Variants in CHN2 observed in about 807,000 individuals in gnomAD.
CHN2 encodes chimerin 2, also known as beta-chimaerin.
A neutral mutation model predicts 56.3 loss-of-function variants in CHN2; 35 were observed. The ratio of observed to expected loss-of-function variants is 0.62; its 90% CI spans 0.47 to 0.82. CHN2 has a LOEUF of 0.82. CHN2 is among the 40% of genes least tolerant of loss of function. The probability of loss-of-function intolerance (pLI) is 0.00; values close to 1 mark genes in which losing one functional copy is unlikely to be tolerated. For synonymous variants in CHN2, 210 were observed against 212.8 expected (o/e 0.99, Z 0.12); for missense variants, 491 against 580.5 (o/e 0.85, Z 1.58).
intron 1 of CHN2, among the ~76,000 whole-genome samples, chr7:29,284,339 C>A (rs146357550): frequency 0.01 from 1,560 of 152,318 alleles, 23 homozygotes; most frequent in African/African-American, 0.036. Context: ...AGGTGATCTG[C>A]CTGCCTCGAC....
chr7:29,356,106 T>C (rs1475740204), intron 2 of CHN2, among the ~76,000 whole-genome samples: 1 of 152,000 alleles, frequency 6.6e-6, no homozygotes, highest in African/African-American at 2.4e-5. Context: ...ATTATCTCAT[T>C]TCACATGTAA....
intron 1 of CHN2, among the ~76,000 whole-genome samples, chr7:29,219,144 G>A (rs1785577147): frequency 6.6e-6 from 1 of 152,080 alleles, no homozygotes; most frequent in Non-Finnish European, 1.5e-5. Flanking sequence ...TGAAAAAGTC[G>A]ACTCTCCTAG....
At chr7:29,264,395 A>G (rs1789936024) in intron 1 of CHN2, among the ~76,000 whole-genome samples, 2 of 152,190 alleles carry the variant, frequency 1.3e-5, no homozygotes, top group Admixed American at 6.5e-5. Context: ...GGGAAAAGAA[A>G]GAGAGATCAG....
chr7:29,500,189 A>G, intron 9 of CHN2, 149 bp downstream of exon 9: 1 of 499,166 alleles, frequency 2.0e-6, no homozygotes, highest in East Asian at 3.2e-5. Context: ...TCTCTCTCTC[A>G]CAGGTAGACT....
chr7:29,374,216 A>G (rs1799846357), intron 3 of CHN2, among the ~76,000 whole-genome samples: 3 of 152,040 alleles, frequency 2.0e-5, no homozygotes, highest in Admixed American at 1.3e-4. Context: ...CCACGCTGTC[A>G]TCTCACTCAC....
chr7:29,327,365 A>T (rs1385821056), intron 1 of CHN2, among the ~76,000 whole-genome samples: 3 of 151,924 alleles, frequency 2.0e-5, no homozygotes, highest in African/African-American at 7.3e-5. Flanking sequence ...CCTACAGGGG[A>T]CTCTGATGTC....
intron 1 of CHN2, among the ~76,000 whole-genome samples, chr7:29,339,284 A>T (rs1226270673): frequency 6.6e-6 from 1 of 152,132 alleles, no homozygotes; most frequent in African/African-American, 2.4e-5. Flanking sequence ...ATGTAAAAGG[A>T]TATAAGTGAA....
At chr7:29,209,355 G>T (rs973481501) in intron 1 of CHN2, among the ~76,000 whole-genome samples, 4 of 152,112 alleles carry the variant, frequency 2.6e-5, no homozygotes, top group African/African-American at 9.7e-5. Context: ...GCTTATTATA[G>T]TCTTAGTTGA....
At chr7:29,268,855 T>C (rs972432367) in intron 1 of CHN2, among the ~76,000 whole-genome samples, 8 of 152,258 alleles carry the variant, frequency 5.3e-5, no homozygotes, top group Non-Finnish European at 8.8e-5. Flanking sequence ...TTCACTCAAA[T>C]GGGCCACGGT....
At chr7:29,319,190 T>C (rs1360545092) in intron 1 of CHN2, among the ~76,000 whole-genome samples, 2 of 152,214 alleles carry the variant, frequency 1.3e-5, no homozygotes, top group Non-Finnish European at 2.9e-5. Context: ...TATGTACTTC[T>C]TGGGAGTTTT....
chr7:29,198,448 A>G (rs1208979453), intron 1 of CHN2, among the ~76,000 whole-genome samples: 1 of 152,228 alleles, frequency 6.6e-6, no homozygotes, highest in Non-Finnish European at 1.5e-5. Context: ...TCAGGTTACA[A>G]TTAATTTAAA....
intron 2 of CHN2, among the ~76,000 whole-genome samples, chr7:29,166,794 A>G (rs548510117): frequency 6.4e-4 from 97 of 152,144 alleles, no homozygotes; most frequent in Non-Finnish European, 1.2e-3. Context: ...CACTGATCTC[A>G]AAAAACCAGT....
intron 1 of CHN2, among the ~76,000 whole-genome samples, chr7:29,346,861 T>G (rs1797479301): frequency 6.6e-6 from 1 of 152,198 alleles, no homozygotes; most frequent in African/African-American, 2.4e-5. Flanking sequence ...TTAATCAGTC[T>G]CCAAATTCCT....
chr7:29,362,947 C>T (rs961281520), intron 2 of CHN2, among the ~76,000 whole-genome samples: 2 of 152,166 alleles, frequency 1.3e-5, no homozygotes, highest in African/African-American at 4.8e-5. Context: ...TTCACAAAGC[C>T]ACTTGAGCCA....
At chr7:29,342,115 C>T (rs982666349) in intron 1 of CHN2, among the ~76,000 whole-genome samples, 1 of 152,142 alleles carries the variant, frequency 6.6e-6, no homozygotes, top group South Asian at 2.1e-4. Flanking sequence ...ACTGGATCTG[C>T]GTTGGTCGCA....
intron 1 of CHN2, among the ~76,000 whole-genome samples, chr7:29,267,614 A>T (rs1790260349): frequency 2.0e-5 from 3 of 152,180 alleles, no homozygotes; most frequent in Admixed American, 1.3e-4. Context: ...GAAGAGTTTG[A>T]TGGAGTGAAT....
At chr7:29,303,833 G>T (rs1371474772) in intron 1 of CHN2, among the ~76,000 whole-genome samples, 1 of 152,320 alleles carries the variant, frequency 6.6e-6, no homozygotes, top group East Asian at 1.9e-4. Context: ...GCTGAGGCTG[G>T]CAGATCACCT....
chr7:29,204,068 TGTGTGTGTG>T (rs1784355019), intron 1 of CHN2, among the ~76,000 whole-genome samples: 2 of 13,014 alleles, frequency 1.5e-4, no homozygotes, highest in African/African-American at 7.2e-4. Flanking sequence ...TCTCTCTCTC[TGTGTGTGTG>T]TGTGTGTGTG....
chr7:29,512,776 A>C lies in CHN2; in HGVS notation c.*41A>C. Reference sequence around the variant, plus strand: ...AGCTGAATGGCCCCAGCACCATCCAAGTTGACACAGCTAAAGGAATAAAAA... The same window carrying C: ...AGCTGAATGGCCCCAGCACCATCCACGTTGACACAGCTAAAGGAATAAAAA... On this transcript the variant is annotated 3_prime_UTR_variant, in exon 13 of 13. Transcript: ENST00000222792. 6.3e-7 allele frequency: 1 copy of C among 1,577,896 alleles called. No individual in the cohort carries two copies. The highest frequency in any genetic ancestry group is 8.6e-7 in the Non-Finnish European group (1 of 1,160,572).
Sources: allele counts gnomAD v4.1 joint callset (sites outside exome capture counted in the v4.1 genomes callset), GRCh38; gene constraint gnomAD v4.1.1; transcripts MANE v1.5; gene names NCBI Gene and HGNC (gene_info 2026-07-23, HGNC 2026-07-21).